Variants in KAZN observed in about 807,000 individuals in gnomAD.
The protein encoded by KAZN is kazrin.
A neutral mutation model predicts 87.4 loss-of-function variants in KAZN; 40 were observed. That is an observed-to-expected ratio of 0.46 (90% CI 0.36 to 0.60). The LOEUF (loss-of-function observed/expected upper bound fraction) is 0.60. KAZN is among the 20% of genes least tolerant of loss of function. KAZN has a pLI of 0.00. For missense variants in KAZN, 898 were observed against 1,073.9 expected (o/e 0.84, Z 2.29); for synonymous variants, 466 against 458.3 (o/e 1.02, Z -0.22).
At chr1:15,019,759 T>C (rs1047646587) in intron 2 of KAZN, among the ~76,000 whole-genome samples, 1 of 152,104 alleles carries the variant, frequency 6.6e-6, no homozygotes, top group Non-Finnish European at 1.5e-5. Flanking sequence ...AAAATTTGAG[T>C]GAAAACATGC....
intron 2 of KAZN, among the ~76,000 whole-genome samples, chr1:14,287,027 G>A (rs1180423164): frequency 6.6e-6 from 1 of 152,090 alleles, no homozygotes. Context: ...ATTGAGTTTT[G>A]TATATGCTAA....
chr1:14,152,751 T>C (rs1302886974), intron 1 of KAZN, among the ~76,000 whole-genome samples: 1 of 152,220 alleles, frequency 6.6e-6, no homozygotes, highest in Non-Finnish European at 1.5e-5. Context: ...TTTTAGTTTT[T>C]TGAGAAAACT....
chr1:14,704,611 C>T (rs1642107249), intron 1 of KAZN, among the ~76,000 whole-genome samples: 1 of 152,174 alleles, frequency 6.6e-6, no homozygotes, highest in African/African-American at 2.4e-5. Flanking sequence ...TAGGACAGGC[C>T]GTGTGGACAT....
Position 14,996,158 on chromosome 1 carries a change from G to A in KAZN, c.418+35283G>A, listed in dbSNP as rs773856652. Reference sequence around the variant, plus strand: ...CTATTTTCTCACCGCAGAACTCACTGGGCCTTCTGGGTCTTGGCTCTTCAT... The same window carrying A: ...CTATTTTCTCACCGCAGAACTCACTAGGCCTTCTGGGTCTTGGCTCTTCAT... On this transcript the variant is annotated intron_variant, in intron 2 of 14. Transcript: ENST00000376030. This position sits in a 1 kb window ranked among gnomAD's most constrained non-coding sequence, Gnocchi z 5.9. 2.6e-4 allele frequency among the ~76,000 whole-genome samples: 39 copies of A among 152,098 alleles called. No homozygotes were observed. The highest frequency in any genetic ancestry group is 5.1e-4 in the Non-Finnish European group (35 of 68,020).
intron 2 of KAZN, among the ~76,000 whole-genome samples, chr1:14,505,083 T>C (rs926744704): frequency 1.3e-5 from 2 of 151,376 alleles, no homozygotes; most frequent in Non-Finnish European, 2.9e-5. Flanking sequence ...TGTAAAGGGG[T>C]TTTTCTGCTT....
chr1:14,686,329 C>G (rs372344276), intron 1 of KAZN, among the ~76,000 whole-genome samples: 1 of 152,158 alleles, frequency 6.6e-6, no homozygotes, highest in African/African-American at 2.4e-5. Context: ...TCCCAAAGTG[C>G]TGGGATTACA....
chr1:14,654,980 C>A (rs1638695726), intron 1 of KAZN, among the ~76,000 whole-genome samples: 1 of 152,182 alleles, frequency 6.6e-6, no homozygotes, highest in South Asian at 2.1e-4. Context: ...CCCACTGACC[C>A]AGGCAAGTGG....
At chr1:15,109,338 C>T (rs1641406005) in intron 13 of KAZN, among the ~76,000 whole-genome samples, 1 of 152,116 alleles carries the variant, frequency 6.6e-6, no homozygotes, top group African/African-American at 2.4e-5. Flanking sequence ...CACTGCACTC[C>T]AGCCTGGGCA....
chr1:14,102,646 T>G (rs1644282900), intron 1 of KAZN, among the ~76,000 whole-genome samples: 1 of 152,190 alleles, frequency 6.6e-6, no homozygotes, highest in East Asian at 1.9e-4. Flanking sequence ...TCGTCTCCCA[T>G]CCTGGTGCCT....
Position 14,795,117 on chromosome 1 carries a change from T to C in KAZN, c.227-165567T>C, listed in dbSNP as rs185379957. On this transcript the variant is annotated intron_variant, in intron 1 of 14. Coordinates refer to ENST00000376030, the MANE Select transcript of KAZN (RefSeq NM_201628.3). ...TGAGGTTTTGGGACTTGGACTGGCT[T>C]TCTTGCTCCTCCCTCTTCAGCTTGC... Among the ~76,000 whole-genome samples the C allele has an allele frequency of 6.6e-5, 10 of 152,266 alleles. No homozygotes were observed. The East Asian group carries it at 1.9e-3, about 30-fold the overall frequency.
At chr1:13,902,364 G>T (rs1570229584) in intron 1 of KAZN, among the ~76,000 whole-genome samples, 1 of 152,196 alleles carries the variant, frequency 6.6e-6, no homozygotes, top group African/African-American at 2.4e-5. Flanking sequence ...GGTGTAGGGG[G>T]TATATACTTA....
intron 2 of KAZN, among the ~76,000 whole-genome samples, chr1:14,271,259 C>T (rs1651901568): frequency 6.6e-6 from 1 of 152,172 alleles, no homozygotes; most frequent in African/African-American, 2.4e-5. Flanking sequence ...AGACTATCTC[C>T]AAATATAGTT....
At chr1:14,983,257 G>A (rs1007917382) in intron 2 of KAZN, among the ~76,000 whole-genome samples, 1 of 152,152 alleles carries the variant, frequency 6.6e-6, no homozygotes, top group African/African-American at 2.4e-5. Context: ...CCTCCACCCC[G>A]GCAGGGATAC....
intron 2 of KAZN, among the ~76,000 whole-genome samples, chr1:14,493,143 C>A (rs966949468): frequency 6.6e-6 from 1 of 150,818 alleles, no homozygotes; most frequent in Non-Finnish European, 1.5e-5. Flanking sequence ...GATCCTTCGG[C>A]CCTTTGCCTT....
intron 6 of KAZN, chr1:15,062,070 CTTCTCGTGGTGGGCCCA>C (rs1638845980): frequency 6.6e-6 from 1 of 152,202 alleles, no homozygotes; most frequent in Non-Finnish European, 1.5e-5. Flanking sequence ...CATATTTTGT[CTTCTCGTGGTGGGCCCA>C]TGGGGACTCT....
intron 2 of KAZN, among the ~76,000 whole-genome samples, chr1:14,290,429 T>C (rs987892732): frequency 3.3e-5 from 5 of 152,248 alleles, no homozygotes; most frequent in African/African-American, 1.2e-4. Flanking sequence ...ATTAATTTCA[T>C]CTTCCATCAC....
At chr1:14,061,492 G>C (rs1005715207) in intron 1 of KAZN, among the ~76,000 whole-genome samples, 1 of 151,880 alleles carries the variant, frequency 6.6e-6, no homozygotes, top group Non-Finnish European at 1.5e-5. Flanking sequence ...ATATGACCCC[G>C]TAGAACGTTC....
chr1:14,722,161 A>T (rs903527321), intron 1 of KAZN, among the ~76,000 whole-genome samples: 6 of 150,486 alleles, frequency 4.0e-5, no homozygotes, highest in Admixed American at 1.3e-4. Flanking sequence ...AAAAAAAAAA[A>T]AGAATAAAAA....
intron 1 of KAZN, among the ~76,000 whole-genome samples, chr1:13,956,014 C>A (rs971013047): frequency 6.6e-6 from 1 of 152,170 alleles, no homozygotes; most frequent in Non-Finnish European, 1.5e-5. Flanking sequence ...CCCAGCACCT[C>A]GTAGGACCTG....
Sources: allele counts gnomAD v4.1 joint callset (sites outside exome capture counted in the v4.1 genomes callset), GRCh38; gene constraint gnomAD v4.1.1; non-coding constraint Gnocchi (gnomAD v3.1); transcripts MANE v1.5; gene names NCBI Gene and HGNC (gene_info 2026-07-23, HGNC 2026-07-21).